The following CAMKMT variants were observed in gnomAD, a reference collection of about 807,000 sequenced individuals.
CAMKMT encodes the protein CaM KMT.
In CAMKMT, 53 loss-of-function variants were observed where a neutral mutation model predicts 48.0. That is an observed-to-expected ratio of 1.10 (90% confidence interval 0.89 to 1.39). CAMKMT has a LOEUF of 1.39. Among genes scored for constraint, CAMKMT ranks in the 40% most tolerant of loss-of-function variants. The pLI is 0.00. For missense variants in CAMKMT, 428 were observed against 402.7 expected (o/e 1.06, Z -0.54); for synonymous variants, 165 against 152.3 (o/e 1.08, Z -0.61).
chr2:44,506,580 G>A (rs1482554293), intron 3 of CAMKMT, among the ~76,000 whole-genome samples: 4 of 152,028 alleles, frequency 2.6e-5, no homozygotes, highest in Admixed American at 6.5e-5. Context: ...TTATGTTCTG[G>A]TCGGACAGAA....
At chr2:44,642,729 G>T (rs1428282542) in intron 3 of CAMKMT, among the ~76,000 whole-genome samples, 3 of 152,118 alleles carry the variant, frequency 2.0e-5, no homozygotes, top group Admixed American at 6.5e-5. Context: ...TTGTGAGAGT[G>T]GGGAGGGGGT....
At chr2:44,765,194 C>T (rs1488025970) in intron 9 of CAMKMT, among the ~76,000 whole-genome samples, 3 of 152,096 alleles carry the variant, frequency 2.0e-5, no homozygotes, top group African/African-American at 7.2e-5. Context: ...CACCACTGCA[C>T]TCCAGCCTGG....
chr2:44,363,519 A>T (rs1678218748), intron 1 of CAMKMT, among the ~76,000 whole-genome samples: 1 of 150,918 alleles, frequency 6.6e-6, no homozygotes, highest in East Asian at 2.0e-4. Context: ...CTGGGATTAC[A>T]GGCATGCACC....
Position 44,706,347 on chromosome 2 carries a change from T to A in CAMKMT, c.492+6T>A, listed in dbSNP as rs769851058. On this transcript the variant is annotated splice_donor_region_variant and intron_variant, in intron 5 of 10. Transcript: ENST00000378494. ...CATGCTTGGCTGGGCTCATGGTAGG[T>A]CTTTTCTCCATTCCAATCCCATTCA... is the stretch of plus-strand genomic sequence containing the variant. 8 of 1,613,096 alleles carry A rather than the reference T, an allele frequency of 5.0e-6. No homozygotes were observed. In the East Asian group the frequency reaches 1.8e-4, roughly 36 times the overall value.
chr2:44,771,633 G>C (rs1681115874), intron 10 of CAMKMT, among the ~76,000 whole-genome samples: 1 of 152,192 alleles, frequency 6.6e-6, no homozygotes, highest in East Asian at 1.9e-4. Flanking sequence ...CGGACTCCAA[G>C]CAGTGATCTG....
chr2:44,598,081 T>C (rs1303983794), intron 3 of CAMKMT, among the ~76,000 whole-genome samples: 1 of 152,080 alleles, frequency 6.6e-6, no homozygotes, highest in Non-Finnish European at 1.5e-5. Flanking sequence ...TAGTTGTAGC[T>C]CTAATAATGA....
At chr2:44,722,777 G>A (rs1242694541) in intron 7 of CAMKMT, among the ~76,000 whole-genome samples, 1 of 152,066 alleles carries the variant, frequency 6.6e-6, no homozygotes, top group African/African-American at 2.4e-5. Flanking sequence ...CTAATATTTT[G>A]TTGTCACTTT....
chr2:44,649,666 T>A (rs1673947406), intron 3 of CAMKMT, among the ~76,000 whole-genome samples: 1 of 152,200 alleles, frequency 6.6e-6, no homozygotes, highest in African/African-American at 2.4e-5. Context: ...TTTTGGCTTC[T>A]CTTTTTCCCA....
At chr2:44,397,245 T>C (rs985581322) in intron 3 of CAMKMT, among the ~76,000 whole-genome samples, 3 of 152,132 alleles carry the variant, frequency 2.0e-5, no homozygotes, top group Non-Finnish European at 4.4e-5. Context: ...TTAAAGTCAG[T>C]CAGTGGCAGA....
At chr2:44,569,422 T>C (rs190653378) in intron 3 of CAMKMT, among the ~76,000 whole-genome samples, 1 of 152,186 alleles carries the variant, frequency 6.6e-6, no homozygotes, top group African/African-American at 2.4e-5. Context: ...ATTCTGAAAA[T>C]CATTTTCTTT....
chr2:44,717,657 A>C (rs1678241885), intron 7 of CAMKMT, among the ~76,000 whole-genome samples: 2 of 152,164 alleles, frequency 1.3e-5, no homozygotes, highest in South Asian at 4.1e-4. Context: ...CAGATAACTA[A>C]GAAGTATTTA....
intron 7 of CAMKMT, among the ~76,000 whole-genome samples, chr2:44,721,532 A>G (rs558201688): frequency 6.8e-4 from 103 of 152,190 alleles, no homozygotes; most frequent in Non-Finnish European, 1.4e-3. Context: ...GAGATTTTTG[A>G]AAATTACAAC....
intron 3 of CAMKMT, among the ~76,000 whole-genome samples, chr2:44,542,537 A>ACACTCT (rs1237950640): frequency 3.4e-4 from 23 of 67,882 alleles, no homozygotes; most frequent in African/African-American, 8.1e-4. Context: ...ACACACACAC[A>ACACTCT]CTCTCTCTCT....
intron 3 of CAMKMT, among the ~76,000 whole-genome samples, chr2:44,694,461 C>T (rs1028542964): frequency 6.6e-6 from 1 of 152,066 alleles, no homozygotes; most frequent in Non-Finnish European, 1.5e-5. Context: ...GTAGTCCCAC[C>T]TACTTGGGAG....
At chr2:44,676,948 A>G (rs1675732523) in intron 3 of CAMKMT, among the ~76,000 whole-genome samples, 1 of 152,118 alleles carries the variant, frequency 6.6e-6, no homozygotes, top group South Asian at 2.1e-4. Context: ...CTCTCTCAGA[A>G]TTCTCTGCAG....
intron 3 of CAMKMT, among the ~76,000 whole-genome samples, chr2:44,505,276 T>C (rs577048104): frequency 1.8e-4 from 27 of 152,348 alleles, no homozygotes; most frequent in Non-Finnish European, 3.2e-4. Flanking sequence ...TTTGTAAATA[T>C]ATTCTACATG....
At chr2:44,409,583 C>A (rs898990578) in intron 3 of CAMKMT, among the ~76,000 whole-genome samples, 1 of 152,078 alleles carries the variant, frequency 6.6e-6, no homozygotes, top group Non-Finnish European at 1.5e-5. Flanking sequence ...TATAGTAAGA[C>A]TAGCAACTCT....
At chr2:44,741,007 C>T (rs531466836) in intron 7 of CAMKMT, among the ~76,000 whole-genome samples, 2 of 152,178 alleles carry the variant, frequency 1.3e-5, no homozygotes, top group South Asian at 4.2e-4. Flanking sequence ...AATGAGTAGG[C>T]CATGGACTGG....
At chr2:44,430,123 A>C (rs1292518495) in intron 3 of CAMKMT, among the ~76,000 whole-genome samples, 1 of 151,972 alleles carries the variant, frequency 6.6e-6, no homozygotes, top group South Asian at 2.1e-4. Context: ...AAGTCAAAGT[A>C]TTCCATGTAA....
Sources: allele counts gnomAD v4.1 joint callset (sites outside exome capture counted in the v4.1 genomes callset), GRCh38; gene constraint gnomAD v4.1.1; transcripts MANE v1.5; gene names NCBI Gene and HGNC (gene_info 2026-07-23, HGNC 2026-07-21).